TRABD2B: variants seen among roughly 807,000 people sequenced by gnomAD.
The protein encoded by TRABD2B is TraB domain containing 2B.
TRABD2B carries 14 observed loss-of-function variants against 40.1 expected under a neutral mutation model. The observed-to-expected ratio is 0.35, with a 90% confidence interval of 0.23 to 0.55. TRABD2B has a LOEUF of 0.55. Ranked by LOEUF, TRABD2B falls within the 20% of genes least tolerant of loss-of-function variation. The probability of loss-of-function intolerance (pLI) is 0.90; values close to 1 mark genes in which losing one functional copy is unlikely to be tolerated. For synonymous variants in TRABD2B, 263 were observed against 277.0 expected (o/e 0.95, Z 0.50); for missense variants, 541 against 648.6 (o/e 0.83, Z 1.80).
intron 2 of TRABD2B, among the ~76,000 whole-genome samples, chr1:47,846,003 T>G (rs896613651): frequency 2.0e-5 from 3 of 152,178 alleles, no homozygotes; most frequent in African/African-American, 7.2e-5. Flanking sequence ...GTGGAGGAAG[T>G]GTCTCTATCT....
intron 2 of TRABD2B, among the ~76,000 whole-genome samples, chr1:47,939,294 A>G (rs1287847551): frequency 6.6e-6 from 1 of 152,166 alleles, no homozygotes; most frequent in Non-Finnish European, 1.5e-5. Context: ...AAGAGAAGAC[A>G]TTCAATGAGC....
intron 2 of TRABD2B, among the ~76,000 whole-genome samples, chr1:47,963,048 T>C (rs1397321086): frequency 6.6e-6 from 1 of 152,238 alleles, no homozygotes; most frequent in Admixed American, 6.5e-5. Flanking sequence ...ATTCATTCAC[T>C]AAATATTAAT....
Position 47,902,758 on chromosome 1 carries a change from C to T in TRABD2B, c.666+91276G>A, listed in dbSNP as rs1249860890. ...CCACCTTGGCCCACCAAGGTGCTGG[C>T]ATTACAGGTATGAGCCACCCTGTTC... On this transcript the variant is annotated intron_variant, in intron 2 of 6. Transcript: ENST00000606738. Among the ~76,000 whole-genome samples, 3 of 152,150 alleles carry T rather than the reference C, an allele frequency of 2.0e-5. No individual in the cohort carries two copies. In the South Asian group the frequency reaches 6.2e-4, roughly 32 times the overall value.
chr1:47,992,493 T>G (rs1423628871), intron 2 of TRABD2B, among the ~76,000 whole-genome samples: 2 of 152,162 alleles, frequency 1.3e-5, no homozygotes, highest in Non-Finnish European at 2.9e-5. Flanking sequence ...CTGTGGTTGG[T>G]GCAAAGAGAG....
In TRABD2B at chr1:47,764,923, A is replaced by T. The variant is rs189755409; in HGVS notation, c.*979T>A. ...GCAAGAATCAGTGAAGCAAGTGTGC[A>T]AAGTGCTTGCCACGCTGCAGGCTTT... is the stretch of plus-strand genomic sequence containing the variant. On this transcript the variant is annotated 3_prime_UTR_variant, in exon 7 of 7. Transcript: ENST00000606738. 2.0e-5 allele frequency: 3 copies of T among 152,358 alleles called. No homozygotes were observed. The highest frequency in any genetic ancestry group is 7.2e-5 in the African/African-American group (3 of 41,578). The allele number at this position is 152,358 out of a possible 1,614,324, so 9.4% of individuals were successfully genotyped here.
chr1:47,802,730 G>A (rs577954744), intron 2 of TRABD2B, among the ~76,000 whole-genome samples: 50 of 152,134 alleles, frequency 3.3e-4, no homozygotes, highest in African/African-American at 6.3e-4. Context: ...AGCATTTCTC[G>A]TTGAGTCCCC....
At position 47,930,023 on chromosome 1, in the gene TRABD2B, A is replaced by G. The variant is rs372644054; in HGVS notation, c.666+64011T>C. On this transcript the variant is annotated intron_variant, in intron 2 of 6. Transcript: ENST00000606738. ...CCTGCTCCACATACATACCAATTCT[A>G]CTGTGATACACTGTGAGACCAACTC... 2.4e-4 allele frequency among the ~76,000 whole-genome samples: 37 copies of G among 152,132 alleles called. No individual in the cohort carries two copies. The East Asian group carries it at 2.9e-3, about 12-fold the overall frequency.
chr1:47,913,228 C>T (rs896321340), intron 2 of TRABD2B, among the ~76,000 whole-genome samples: 7 of 152,144 alleles, frequency 4.6e-5, no homozygotes, highest in East Asian at 1.9e-4. Flanking sequence ...TTCACTCTCA[C>T]CACCTTCCTA....
chr1:47,965,649 G>C (rs1645591632), intron 2 of TRABD2B, among the ~76,000 whole-genome samples: 1 of 152,160 alleles, frequency 6.6e-6, no homozygotes, highest in South Asian at 2.1e-4. Context: ...ACCTAAATGT[G>C]ACATCACACC....
chr1:47,836,602 G>A (rs1185557815), intron 2 of TRABD2B, among the ~76,000 whole-genome samples: 2 of 152,244 alleles, frequency 1.3e-5, no homozygotes, highest in Non-Finnish European at 2.9e-5. Context: ...TTAACTGTGA[G>A]CAATCCAAGA....
intron 5 of TRABD2B, 47 bp downstream of exon 5, chr1:47,778,407 G>A: frequency 1.4e-6 from 2 of 1,383,614 alleles, no homozygotes; most frequent in Non-Finnish European, 2.0e-6. Flanking sequence ...AGCCTGGGCA[G>A]GAAGGCAGGG....
intron 2 of TRABD2B, among the ~76,000 whole-genome samples, chr1:47,961,610 A>C (rs1211143323): frequency 1.3e-5 from 2 of 152,252 alleles, no homozygotes; most frequent in Non-Finnish European, 2.9e-5. Context: ...ACATGTGAAA[A>C]AATGCTCATC....
rs144118558 is a variant in TRABD2B, at chr1:47,851,773, G to A, written c.667-50154C>T. Among the ~76,000 whole-genome samples the A allele has an allele frequency of 8.5e-5, 13 of 152,306 alleles. No homozygotes were observed. In the East Asian group the frequency reaches 1.9e-3, roughly 23 times the overall value. On this transcript the variant is annotated intron_variant, in intron 2 of 6. Coordinates refer to ENST00000606738, the MANE Select transcript of TRABD2B (RefSeq NM_001194986.2). ...ACTAAGTACTAGACATGAGCAAATC[G>A]CACCACATGCATCACTGTCCTGGGC...
intron 2 of TRABD2B, among the ~76,000 whole-genome samples, chr1:47,981,867 G>A (rs1469607840): frequency 6.6e-6 from 1 of 152,218 alleles, no homozygotes; most frequent in East Asian, 1.9e-4. Context: ...CCCAAGAGCT[G>A]TAAGCTGTTG....
chr1:47,856,532 T>C (rs1431265532), intron 2 of TRABD2B, among the ~76,000 whole-genome samples: 2 of 152,232 alleles, frequency 1.3e-5, no homozygotes, highest in African/African-American at 4.8e-5. Flanking sequence ...AGAGTCCCAG[T>C]CCCTGATTCT....
Position 47,797,953 on chromosome 1 carries a change from T to C in TRABD2B, c.814-3193A>G, listed in dbSNP as rs145659191. ...GACCCATGAACCATGTCAGGTCTAATAGTCAAATGCTCAGGTCTGCTGACA... is the reference window on the plus strand; with the variant it reads ...GACCCATGAACCATGTCAGGTCTAACAGTCAAATGCTCAGGTCTGCTGACA... On this transcript the variant is annotated intron_variant, in intron 3 of 6. Transcript: ENST00000606738. Among the ~76,000 whole-genome samples the C allele has an allele frequency of 1.7e-3, 255 of 152,210 alleles. 1 individual carries two copies. The highest frequency in any genetic ancestry group is 5.8e-3 in the African/African-American group (242 of 41,528).
intron 2 of TRABD2B, among the ~76,000 whole-genome samples, chr1:47,839,928 G>T (rs868657659): frequency 6.6e-6 from 1 of 152,162 alleles, no homozygotes; most frequent in Admixed American, 6.5e-5. Flanking sequence ...CCCCTCCATC[G>T]ATGGCCAAGC....
At chr1:47,782,378 GCT>G (rs1207119935) in intron 4 of TRABD2B, among the ~76,000 whole-genome samples, 2 of 152,208 alleles carry the variant, frequency 1.3e-5, no homozygotes, top group Non-Finnish European at 2.9e-5. Flanking sequence ...TGCTCTCCTT[GCT>G]CTCTCTAGTT....
intron 6 of TRABD2B, among the ~76,000 whole-genome samples, chr1:47,774,605 A>G (rs1311865667): frequency 6.6e-6 from 1 of 152,216 alleles, no homozygotes; most frequent in Admixed American, 6.5e-5. Context: ...GTCTCCGTGC[A>G]TTAGGATGAT....
Sources: allele counts gnomAD v4.1 joint callset (sites outside exome capture counted in the v4.1 genomes callset), GRCh38; gene constraint gnomAD v4.1.1; transcripts MANE v1.5; gene names NCBI Gene and HGNC (gene_info 2026-07-23, HGNC 2026-07-21).